LHPP: variants seen among roughly 807,000 people sequenced by gnomAD.
The protein encoded by LHPP is phospholysine phosphohistidine inorganic pyrophosphate phosphatase.
In LHPP, 24 loss-of-function variants were observed where a neutral mutation model predicts 30.3. The observed-to-expected ratio is 0.79, with a 90% CI of 0.57 to 1.11. The LOEUF is 1.11. Ranked by LOEUF, LHPP falls within the 50% of genes most tolerant of loss-of-function variation. The pLI, the probability that LHPP is intolerant of heterozygous loss-of-function variation, is 0.00. For synonymous variants in LHPP, 150 were observed against 157.1 expected, an observed-to-expected ratio of 0.95 and a Z score of 0.34; for missense variants, 356 against 367.2, an observed-to-expected ratio of 0.97 and a Z score of 0.25.
At chr10:124,534,764 C>T (rs973621564) in intron 6 of LHPP, among the ~76,000 whole-genome samples, 2 of 152,164 alleles carry the variant, frequency 1.3e-5, no homozygotes, top group African/African-American at 4.8e-5. Context: ...GGGGGTGCTC[C>T]CCAGGCTGGC....
intron 6 of LHPP, among the ~76,000 whole-genome samples, chr10:124,608,981 C>T (rs978235832): frequency 2.0e-5 from 3 of 152,196 alleles, no homozygotes; most frequent in South Asian, 2.1e-4. Flanking sequence ...AGCAGCGGTG[C>T]ACTTGAGTGG....
At chr10:124,491,903 C>T (rs528925455) in intron 3 of LHPP, among the ~76,000 whole-genome samples, 8 of 152,168 alleles carry the variant, frequency 5.3e-5, no homozygotes, top group African/African-American at 9.6e-5. Context: ...CTAGCCTGGG[C>T]GACAGAGCAA....
chr10:124,542,700 T>C (rs1955227932), intron 6 of LHPP, among the ~76,000 whole-genome samples: 1 of 152,130 alleles, frequency 6.6e-6, no homozygotes, highest in Non-Finnish European at 1.5e-5. Flanking sequence ...GGCCCATTTT[T>C]CCCAGAAGCC....
intron 6 of LHPP, among the ~76,000 whole-genome samples, chr10:124,584,709 A>G (rs1274542050): frequency 6.6e-6 from 1 of 152,218 alleles, no homozygotes; most frequent in Non-Finnish European, 1.5e-5. Flanking sequence ...CGTAGCAGGG[A>G]GCGTTGCCAT....
At chr10:124,563,833 C>T (rs1948442890) in intron 6 of LHPP, among the ~76,000 whole-genome samples, 1 of 152,234 alleles carries the variant, frequency 6.6e-6, no homozygotes, top group African/African-American at 2.4e-5. Flanking sequence ...ACAATGACAA[C>T]TCTGGGACAA....
chr10:124,586,087 A>G (rs927290135), intron 6 of LHPP, among the ~76,000 whole-genome samples: 1 of 152,216 alleles, frequency 6.6e-6, no homozygotes, highest in African/African-American at 2.4e-5. Flanking sequence ...CACCCGGCCT[A>G]GATATGTTTC....
chr10:124,546,293 G>A (rs1197943511), intron 6 of LHPP: 1 of 152,548 alleles, frequency 6.6e-6, no homozygotes, highest in Non-Finnish European at 1.5e-5. Flanking sequence ...GTATTCTCAA[G>A]GGCCTGTGCT....
At chr10:124,607,085 C>T (rs549709376) in intron 6 of LHPP, among the ~76,000 whole-genome samples, 1 of 152,342 alleles carries the variant, frequency 6.6e-6, no homozygotes, top group East Asian at 1.9e-4. Context: ...CCAGCTCTGT[C>T]CCAGTAGGGC....
intron 6 of LHPP, among the ~76,000 whole-genome samples, chr10:124,518,952 T>C (rs1954534692): frequency 6.6e-6 from 1 of 152,170 alleles, no homozygotes; most frequent in Admixed American, 6.5e-5. Flanking sequence ...GTTTTTGTTT[T>C]TGTTTTTTTG....
At chr10:124,475,195 G>T (rs1022111890) in intron 1 of LHPP, among the ~76,000 whole-genome samples, 4 of 151,740 alleles carry the variant, frequency 2.6e-5, no homozygotes, top group African/African-American at 9.6e-5. Context: ...GCTAACTTTT[G>T]TATTTTAAAT....
At chr10:124,601,000 T>TGCAG (rs908737910) in intron 6 of LHPP, among the ~76,000 whole-genome samples, 7 of 152,050 alleles carry the variant, frequency 4.6e-5, no homozygotes, top group Non-Finnish European at 1.0e-4. Flanking sequence ...TACCGTGGAG[T>TGCAG]GCAGAGTGGG....
chr10:124,464,309 T>A (rs1952495612), intron 1 of LHPP, among the ~76,000 whole-genome samples: 1 of 152,228 alleles, frequency 6.6e-6, no homozygotes, highest in Admixed American at 6.5e-5. Flanking sequence ...GGACTCAATA[T>A]ACCTATCTGT....
chr10:124,557,031 G>A (rs1321146954), intron 6 of LHPP, among the ~76,000 whole-genome samples: 4 of 152,074 alleles, frequency 2.6e-5, no homozygotes, highest in African/African-American at 4.8e-5. Context: ...ACAGGCGGTC[G>A]GTGCTCATGA....
rs1246644367 is a variant in LHPP at position 124,478,520 on chromosome 10, G to A, written c.126-5619G>A. On this transcript the variant is annotated intron_variant, in intron 1 of 6. Transcript: ENST00000368842. This position sits in a 1 kb window ranked among gnomAD's most constrained non-coding sequence, Gnocchi z 4.7. ...AGGGCTAGCTATTGAGCTGTCCCAA[G>A]GTCACTCAGGATGTCCAATAATTGT... Among the ~76,000 whole-genome samples, 2 of 152,230 alleles carry A rather than the reference G, an allele frequency of 1.3e-5. No individual in the cohort carries two copies. The highest frequency in any genetic ancestry group is 6.5e-5 in the Admixed American group (1 of 15,290).
At chr10:124,555,246 G>T (rs939602097) in intron 6 of LHPP, among the ~76,000 whole-genome samples, 1 of 152,220 alleles carries the variant, frequency 6.6e-6, no homozygotes, top group South Asian at 2.1e-4. Flanking sequence ...GAACAGGCAG[G>T]GTGGGCGAAC....
intron 6 of LHPP, among the ~76,000 whole-genome samples, chr10:124,572,960 C>T (rs548688110): frequency 2.0e-4 from 31 of 152,330 alleles, no homozygotes; most frequent in African/African-American, 6.5e-4. Context: ...GCGACACCCA[C>T]GCACTCAGGG....
At chr10:124,497,989 T>A in intron 4 of LHPP, 47 bp from the exon 5 acceptor site, 1 of 1,472,754 alleles carries the variant, frequency 6.8e-7, no homozygotes. Flanking sequence ...GGCATACACC[T>A]GTTCCTTGAT....
chr10:124,523,445 C>A lies in LHPP; in HGVS notation c.716+6174C>A, dbSNP rs1267689861. ...CACGCCTGGCCTTTGACCTTGGAAGCGGCTGCCGTCAAAGCAGCAGCTTGT... is the reference window on the plus strand; with the variant it reads ...CACGCCTGGCCTTTGACCTTGGAAGAGGCTGCCGTCAAAGCAGCAGCTTGT... On this transcript the variant is annotated intron_variant, in intron 6 of 6. Coordinates refer to ENST00000368842, the MANE Select transcript of LHPP (RefSeq NM_022126.4). The surrounding 1 kb of genome is among the most constrained non-coding windows in gnomAD (Gnocchi z 4.2). Among the ~76,000 whole-genome samples, 2 of 152,220 alleles carry A rather than the reference C, an allele frequency of 1.3e-5. No homozygotes were observed. Among genetic ancestry groups the A allele is most frequent in the South Asian group, 4.1e-4 (2 of 4,830 alleles).
In LHPP at chr10:124,510,413, C is replaced by A. The variant is rs1037518857; in HGVS notation, c.625-6767C>A. 1.3e-5 allele frequency among the ~76,000 whole-genome samples: 2 copies of A among 152,086 alleles called. No homozygotes were observed. The highest frequency in any genetic ancestry group is 3.9e-4 in the East Asian group (2 of 5,158). ...CACCCAGCCGGCCCTGGCGTCCCGG[C>A]CCCCAGCCTCCGCCTCCCTCGCCGA... On this transcript the variant is annotated intron_variant, in intron 5 of 6. Transcript: ENST00000368842. The surrounding 1 kb of genome is among the most constrained non-coding windows in gnomAD (Gnocchi z 4.0).
Sources: gnomAD v4.1 joint callset for allele counts (sites outside exome capture counted in the v4.1 genomes callset) on GRCh38, gnomAD v4.1.1 for gene constraint, Gnocchi (gnomAD v3.1) non-coding constraint, MANE v1.5 for transcripts, NCBI Gene and HGNC (gene_info 2026-07-23, HGNC 2026-07-21) for gene names.